Variants in ARFGEF1 observed in about 807,000 individuals in gnomAD.
The protein encoded by ARFGEF1 is ARF guanine nucleotide exchange factor 1.
Under a neutral mutation model 231.0 loss-of-function variants are expected in ARFGEF1, and 42 were observed. The ratio of observed to expected loss-of-function variants is 0.18; its 90% CI spans 0.14 to 0.24. The LOEUF is 0.24. Among genes scored for constraint, ARFGEF1 ranks in the 10% least tolerant of loss-of-function variants. The probability of loss-of-function intolerance (pLI) is 1.00; values close to 1 mark genes in which losing one functional copy is unlikely to be tolerated. For synonymous variants in ARFGEF1, 710 were observed against 732.3 expected, an observed-to-expected ratio of 0.97 and a Z score of 0.49; for missense variants, 1,345 against 2,192.0, an observed-to-expected ratio of 0.61 and a Z score of 7.72.
At chr8:67,246,469 C>A (rs1453253088) in intron 19 of ARFGEF1, among the ~76,000 whole-genome samples, 1 of 150,248 alleles carries the variant, frequency 6.7e-6, no homozygotes, top group African/African-American at 2.5e-5. Context: ...AGAAACAACA[C>A]AAACACATGA....
intron 18 of ARFGEF1, among the ~76,000 whole-genome samples, chr8:67,252,892 A>G (rs555359960): frequency 6.6e-6 from 1 of 152,322 alleles, no homozygotes; most frequent in South Asian, 2.1e-4. Flanking sequence ...ATGTGTAACA[A>G]AAGATGAACA....
chr8:67,244,479 TTG>T (rs1840044272), intron 19 of ARFGEF1, among the ~76,000 whole-genome samples: 1 of 148,878 alleles, frequency 6.7e-6, no homozygotes, highest in African/African-American at 2.5e-5. Context: ...TGGCTAATTT[TTG>T]TAGAGATGGG....
rs149102684 is a variant in ARFGEF1 at position 67,242,153 on chromosome 8, C to T, written c.2851-1863G>A. Among the ~76,000 whole-genome samples, 1,225 of 152,288 alleles carry T rather than the reference C, an allele frequency of 8.0e-3. 12 individuals carry two copies. The highest frequency in any genetic ancestry group is 0.028 in the African/African-American group (1,168 of 41,556). The stretch of plus-strand genomic sequence containing the variant: ...AAGTCAGTCTAGGCCACAAGGACTG[C>T]AACTCCTAGGCAAGGCCTAGCTGTG... On this transcript the variant is annotated intron_variant, in intron 19 of 38. Transcript: ENST00000262215.
chr8:67,334,340 A>G (rs540155380), intron 1 of ARFGEF1, among the ~76,000 whole-genome samples: 1 of 152,160 alleles, frequency 6.6e-6, no homozygotes, highest in South Asian at 2.1e-4. Flanking sequence ...CATTTCTGAT[A>G]AAGGATATTT....
chr8:67,270,148 A>G (rs1805017293), intron 10 of ARFGEF1, among the ~76,000 whole-genome samples: 1 of 152,168 alleles, frequency 6.6e-6, no homozygotes, highest in Non-Finnish European at 1.5e-5. Flanking sequence ...GATAATGGGG[A>G]AAAACTATCT....
At chr8:67,338,329 G>T (rs769034326) in intron 1 of ARFGEF1, among the ~76,000 whole-genome samples, 6 of 152,104 alleles carry the variant, frequency 3.9e-5, no homozygotes, top group Non-Finnish European at 2.9e-5. Flanking sequence ...TAGGGTTATT[G>T]TACTTGTCTT....
intron 1 of ARFGEF1, among the ~76,000 whole-genome samples, chr8:67,310,218 C>T (rs536072000): frequency 0.014 from 2,133 of 152,184 alleles, 46 homozygotes; most frequent in African/African-American, 0.048. Flanking sequence ...CCTGATTCTC[C>T]TGCCTCAGCC....
At chr8:67,210,187 G>C (rs963865955) in intron 34 of ARFGEF1, among the ~76,000 whole-genome samples, 6 of 149,292 alleles carry the variant, frequency 4.0e-5, no homozygotes, top group Non-Finnish European at 7.4e-5. Context: ...AAAACAATAG[G>C]GTGCTCCTGG....
intron 30 of ARFGEF1, 69 bp from the exon 31 acceptor site, chr8:67,218,207 A>AAAAAATATATATATATATATATATAT (rs1491555936): frequency 1.1e-5 from 1 of 90,850 alleles, no homozygotes. Context: ...AAAAAAAAAA[A>AAAAAATATATATATATATATATATAT]ATATATATAT....
chr8:67,213,506 A>G (rs751701090), intron 33 of ARFGEF1, among the ~76,000 whole-genome samples: 7 of 152,172 alleles, frequency 4.6e-5, no homozygotes, highest in Non-Finnish European at 1.0e-4. Flanking sequence ...ACATTTGGAG[A>G]AACCTGGTGT....
At chr8:67,217,325 A>C (rs1186231067) in intron 32 of ARFGEF1, among the ~76,000 whole-genome samples, 1 of 151,118 alleles carries the variant, frequency 6.6e-6, no homozygotes, top group African/African-American at 2.4e-5. Flanking sequence ...AAAAAAACCT[A>C]CCTCACTATA....
chr8:67,331,102 T>C (rs1327931000), intron 1 of ARFGEF1, among the ~76,000 whole-genome samples: 3 of 152,166 alleles, frequency 2.0e-5, no homozygotes, highest in Non-Finnish European at 2.9e-5. Context: ...TAGTCAATCT[T>C]ACCAGATACC....
In ARFGEF1 at chr8:67,236,363, AAAATATATATATATATAT is replaced by A. The variant is rs1275248450; in HGVS notation, c.3289+1962_3289+1979del. On this transcript the variant is annotated intron_variant, in intron 22 of 38. Transcript: ENST00000262215. ...AAGATATTAGTTAAAAAAAAAAAAA[AAAATATATATATATATAT>A]ATATATATATATATATATATATATA... 2.5e-3 allele frequency among the ~76,000 whole-genome samples: 93 copies of A among 37,692 alleles called. 3 individuals carry two copies. The highest frequency in any genetic ancestry group is 0.011 in the Middle Eastern group (1 of 94). 24.7% of individuals were successfully genotyped at this position (37,692 alleles called of 152,430 possible).
intron 1 of ARFGEF1, among the ~76,000 whole-genome samples, chr8:67,307,195 A>G (rs965214859): frequency 6.6e-6 from 1 of 152,260 alleles, no homozygotes; most frequent in Non-Finnish European, 1.5e-5. Flanking sequence ...CTAGTATTCA[A>G]AAATACTTAT....
chr8:67,323,285 A>G (rs1433321610), intron 1 of ARFGEF1, among the ~76,000 whole-genome samples: 1 of 152,150 alleles, frequency 6.6e-6, no homozygotes, highest in African/African-American at 2.4e-5. Flanking sequence ...AATAAATGAG[A>G]GAGTAAATTT....
At chr8:67,300,944 G>C (rs925780592) in intron 3 of ARFGEF1, among the ~76,000 whole-genome samples, 2 of 151,816 alleles carry the variant, frequency 1.3e-5, no homozygotes, top group African/African-American at 4.8e-5. Flanking sequence ...TACAGGTCTT[G>C]CATTTCACTG....
intron 22 of ARFGEF1, among the ~76,000 whole-genome samples, chr8:67,235,901 A>C (rs1839716198): frequency 6.6e-6 from 1 of 152,138 alleles, no homozygotes; most frequent in Non-Finnish European, 1.5e-5. Flanking sequence ...AAAAAGTGAA[A>C]GTACAGACTT....
At chr8:67,317,663 C>A (rs1807383880) in intron 1 of ARFGEF1, among the ~76,000 whole-genome samples, 1 of 149,090 alleles carries the variant, frequency 6.7e-6, no homozygotes, top group Admixed American at 6.7e-5. Flanking sequence ...GTAATCCCAG[C>A]ACTTTGGGAG....
chr8:67,315,195 A>T (rs1298395527), intron 1 of ARFGEF1, among the ~76,000 whole-genome samples: 1 of 152,226 alleles, frequency 6.6e-6, no homozygotes, highest in Non-Finnish European at 1.5e-5. Context: ...AGAAGGGTCA[A>T]ATACATCAAG....
Sources: gnomAD v4.1 joint callset for allele counts (sites outside exome capture counted in the v4.1 genomes callset) on GRCh38, gnomAD v4.1.1 for gene constraint, MANE v1.5 for transcripts, NCBI Gene and HGNC (gene_info 2026-07-23, HGNC 2026-07-21) for gene names.